Variants in PDK1 observed in about 807,000 individuals in gnomAD.
PDK1 encodes the protein [Pyruvate dehydrogenase (acetyl-transferring)] kinase isozyme 1, mitochondrial.
Under a neutral mutation model 54.2 loss-of-function variants are expected in PDK1, and 39 were observed. The ratio of observed to expected loss-of-function variants is 0.72; its 90% CI spans 0.56 to 0.94. The LOEUF (loss-of-function observed/expected upper bound fraction) is 0.94, where lower values mean the gene tolerates loss of function less well. Among genes scored for constraint, PDK1 ranks in the 40% least tolerant of loss-of-function variants. The pLI is 0.00. For missense variants in PDK1, 552 were observed against 566.0 expected (o/e 0.98, Z 0.25); for synonymous variants, 221 against 207.1 (o/e 1.07, Z -0.58).
At position 172,565,074 on chromosome 2, in the gene PDK1, G is replaced by T; in HGVS notation, c.691+1G>T. Reference sequence around the variant, plus strand: ...TGCAATGTACTTGAAGTTATTAAAGGTAAATACTGACATTTCTCCTTGCAA... The same window carrying T: ...TGCAATGTACTTGAAGTTATTAAAGTTAAATACTGACATTTCTCCTTGCAA... On this transcript the variant is annotated splice_donor_variant, in intron 5 of 10. Transcript: ENST00000282077. LOFTEE classifies it high-confidence loss of function. The T allele has an allele frequency of 6.6e-7, 1 of 1,525,144 alleles. No individual in the cohort carries two copies. The highest frequency in any genetic ancestry group is 9.1e-7 in the Non-Finnish European group (1 of 1,101,784). The allele number at this position is 1,525,144 out of a possible 1,614,324, so 94.5% of individuals were successfully genotyped here. A position where few individuals can be genotyped will look rare whatever the true frequency, so the allele number is the denominator to read the frequency against.
Position 172,602,118 on chromosome 2 carries a change from TGAGA to T in PDK1, c.*6152_*6155del, listed in dbSNP as rs1466241707. ...TTCCTGTCTTATAGAAACTTTGAAA[TGAGA>T]GAAAGCTACCCAACCCATTTCAGAA... On this transcript the variant is annotated 3_prime_UTR_variant, in exon 11 of 11. Transcript: ENST00000282077. The T allele has an allele frequency of 5.3e-5, 8 of 152,110 alleles. No individual in the cohort carries two copies. Among genetic ancestry groups the T allele is most frequent in the African/African-American group, 1.9e-4 (8 of 41,432 alleles). The allele number at this position is 152,110 out of a possible 1,614,324, so 9.4% of individuals were successfully genotyped here.
At chr2:172,647,275 T>C in the PDK1 span, among the ~76,000 whole-genome samples, 1 of 152,104 alleles carries the variant, frequency 6.6e-6, no homozygotes, top group African/African-American at 2.4e-5. Flanking sequence ...GCGCAGGGAA[T>C]ATGATGGATC....
At chr2:172,688,616 G>A in the PDK1 span, among the ~76,000 whole-genome samples, 2 of 152,172 alleles carry the variant, frequency 1.3e-5, no homozygotes, top group African/African-American at 4.8e-5. Context: ...AAAGGATAAA[G>A]GAGGAGGGAG....
chr2:172,669,845 G>A, the PDK1 span, among the ~76,000 whole-genome samples: 1 of 152,048 alleles, frequency 6.6e-6, no homozygotes, highest in African/African-American at 2.4e-5. Flanking sequence ...TTTTAAAATT[G>A]GAGTCTTTGT....
chr2:172,708,184 G>A, the PDK1 span, among the ~76,000 whole-genome samples: 5 of 152,070 alleles, frequency 3.3e-5, no homozygotes, highest in Admixed American at 6.6e-5. Context: ...AGCTATTCGG[G>A]AGGATGAGGT....
the PDK1 span, among the ~76,000 whole-genome samples, chr2:172,628,972 AAAT>A: frequency 6.6e-6 from 1 of 152,108 alleles, no homozygotes; most frequent in East Asian, 1.9e-4. Context: ...TAAAAATAAA[AAAT>A]AAATTAGCCA....
chr2:172,675,859 T>A, the PDK1 span, among the ~76,000 whole-genome samples: 1 of 152,150 alleles, frequency 6.6e-6, no homozygotes, highest in Non-Finnish European at 1.5e-5. Flanking sequence ...GCCAATGGCT[T>A]CAAGGCTCCA....
At chr2:172,570,999 A>G (rs1438659371) in intron 8 of PDK1, among the ~76,000 whole-genome samples, 175 bp downstream of exon 8, 1 of 152,200 alleles carries the variant, frequency 6.6e-6, no homozygotes, top group Non-Finnish European at 1.5e-5. Flanking sequence ...GATTATAGTT[A>G]TCCCTTGAGT....
At chr2:172,703,175 C>T in the PDK1 span, among the ~76,000 whole-genome samples, 20 of 152,208 alleles carry the variant, frequency 1.3e-4, no homozygotes, top group East Asian at 5.8e-4. Flanking sequence ...GAGAGTGCTG[C>T]AGCCACAAGG....
At chr2:172,715,817 T>A in the PDK1 span, among the ~76,000 whole-genome samples, 8 of 152,218 alleles carry the variant, frequency 5.3e-5, 1 homozygote, top group African/African-American at 1.9e-4. Context: ...GTCATACTCA[T>A]CTTAATGTTA....
At chr2:172,579,878 G>A (rs1689801528) in intron 8 of PDK1, among the ~76,000 whole-genome samples, 1 of 151,124 alleles carries the variant, frequency 6.6e-6, no homozygotes, top group Admixed American at 6.6e-5. Context: ...GAGGATGTTG[G>A]GCTTCATGAC....
chr2:172,695,832 C>T, the PDK1 span, among the ~76,000 whole-genome samples: 2 of 152,090 alleles, frequency 1.3e-5, no homozygotes, highest in Admixed American at 1.3e-4. Flanking sequence ...AGCTAGGGCC[C>T]TCAGTCCTAC....
the PDK1 span, among the ~76,000 whole-genome samples, chr2:172,659,315 G>T: frequency 2.0e-5 from 3 of 152,006 alleles, no homozygotes; most frequent in Non-Finnish European, 4.4e-5. Context: ...TATCTTCCTG[G>T]CTGTTTCACC....
chr2:172,682,205 A>G, the PDK1 span, among the ~76,000 whole-genome samples: 2 of 152,254 alleles, frequency 1.3e-5, no homozygotes, highest in African/African-American at 4.8e-5. Flanking sequence ...AGGTGGGACC[A>G]TGGCCAGCAT....
At chr2:172,661,729 CT>C in the PDK1 span, among the ~76,000 whole-genome samples, 1 of 152,090 alleles carries the variant, frequency 6.6e-6, no homozygotes, top group African/African-American at 2.4e-5. Context: ...CAGCATGTAA[CT>C]TGTAATTGGG....
intron 7 of PDK1, among the ~76,000 whole-genome samples, chr2:172,569,924 A>C (rs757280797): frequency 7.9e-5 from 12 of 152,198 alleles, no homozygotes; most frequent in Non-Finnish European, 1.5e-4. Context: ...TTCCAGTGGC[A>C]TAAAGATCTT....
At chr2:172,680,027 T>A in the PDK1 span, among the ~76,000 whole-genome samples, 1 of 152,202 alleles carries the variant, frequency 6.6e-6, no homozygotes, top group South Asian at 2.1e-4. Flanking sequence ...CATTTTCCCC[T>A]CAATGCTTAA....
chr2:172,634,770 T>C, the PDK1 span, among the ~76,000 whole-genome samples: 1 of 53,912 alleles, frequency 1.9e-5, no homozygotes, highest in Admixed American at 1.9e-4. Context: ...ATTCTTAAAA[T>C]GCAAAAAAAA....
chr2:172,632,292 C>A, the PDK1 span, among the ~76,000 whole-genome samples: 1 of 151,510 alleles, frequency 6.6e-6, no homozygotes, highest in Non-Finnish European at 1.5e-5. Context: ...AAAAAAAAAA[C>A]CTTCCCTTGG....
Sources: gnomAD v4.1 joint callset for allele counts (sites outside exome capture counted in the v4.1 genomes callset) on GRCh38, gnomAD v4.1.1 for gene constraint, MANE v1.5 for transcripts, NCBI Gene and HGNC (gene_info 2026-07-23, HGNC 2026-07-21) for gene names.